The following HMGCS2 variants were observed in gnomAD, a reference collection of about 807,000 sequenced individuals.
The protein encoded by HMGCS2 is 3-hydroxy-3-methylglutaryl-CoA synthase 2.
In HMGCS2, 50 loss-of-function variants were observed where a neutral mutation model predicts 57.4. That is an observed-to-expected ratio of 0.87 (90% CI 0.69 to 1.10). The LOEUF is 1.10. Ranked by LOEUF, HMGCS2 falls within the 50% of genes least tolerant of loss-of-function variation. The pLI, the probability that HMGCS2 is intolerant of heterozygous loss-of-function variation, is 0.00. For missense variants in HMGCS2, 627 were observed against 636.5 expected (o/e 0.99, Z 0.16); for synonymous variants, 254 against 245.1 (o/e 1.04, Z -0.34).
intron 8 of HMGCS2, 85 bp downstream of exon 8, chr1:119,752,464 C>T: frequency 2.0e-6 from 3 of 1,492,390 alleles, no homozygotes; most frequent in Admixed American, 1.7e-5. Context: ...CCCTGGACTA[C>T]TAAATTCTAG....
At chr1:119,756,231 T>C (rs1652835616) in intron 5 of HMGCS2, among the ~76,000 whole-genome samples, 1 of 152,190 alleles carries the variant, frequency 6.6e-6, no homozygotes, top group South Asian at 2.1e-4. Context: ...AAATGGTAAC[T>C]TGAGTAAACT....
At chr1:119,755,747 C>A (rs1227238822) in intron 5 of HMGCS2, 150 bp from the exon 6 acceptor site, 6 of 775,004 alleles carry the variant, frequency 7.7e-6, no homozygotes, top group Non-Finnish European at 1.4e-5. Flanking sequence ...GGAGAACATA[C>A]CACTAATGGC....
chr1:119,768,906 G>T, upstream of HMGCS2: 2 of 1,144,866 alleles, frequency 1.7e-6, no homozygotes, highest in Non-Finnish European at 2.6e-6. Context: ...TGAAAGAGAT[G>T]CCCAGTGGTG....
chr1:119,755,334 CA>C (rs1334816540), intron 6 of HMGCS2, 92 bp downstream of exon 6: 2 of 1,261,640 alleles, frequency 1.6e-6, no homozygotes, highest in Non-Finnish European at 2.3e-6. Context: ...ATTTCTGAGC[CA>C]AAAGAGAAAC....
chr1:119,750,409 TCAG>T (rs587775107), intron 9 of HMGCS2, among the ~76,000 whole-genome samples: 83 of 152,354 alleles, frequency 5.4e-4, no homozygotes, highest in Admixed American at 4.4e-3. Context: ...CTTCCTATCT[TCAG>T]CAGATCAGGT....
chr1:119,761,723 G>A (rs1183890424), intron 2 of HMGCS2, among the ~76,000 whole-genome samples: 1 of 151,798 alleles, frequency 6.6e-6, no homozygotes, highest in Non-Finnish European at 1.5e-5. Flanking sequence ...TGAGATCACC[G>A]CCACTGCACT....
intron 4 of HMGCS2, 83 bp from the exon 5 acceptor site, chr1:119,757,521 G>A (rs780216713): frequency 6.2e-6 from 10 of 1,602,418 alleles, no homozygotes; most frequent in Non-Finnish European, 8.5e-6. Flanking sequence ...ACTGTGCCGA[G>A]TTTCTCCAGG....
Position 119,757,222 on chromosome 1 carries a change from C to T in HMGCS2, c.1016+51G>A. Reference sequence around the variant, plus strand: ...TAGACTTAAGGCATGAAGAAGCCTCCTTCTTGCTCACACCTCACCAGCCTC... The same window carrying T: ...TAGACTTAAGGCATGAAGAAGCCTCTTTCTTGCTCACACCTCACCAGCCTC... On this transcript the variant is annotated intron_variant, in intron 5 of 9. Transcript: ENST00000369406. 1.9e-6 allele frequency: 3 copies of T among 1,613,242 alleles called. No individual in the cohort carries two copies. In the South Asian group the frequency reaches 3.3e-5, roughly 18 times the overall value.
At chr1:119,751,361 T>C (rs1251222322) in intron 8 of HMGCS2, among the ~76,000 whole-genome samples, 1 of 150,706 alleles carries the variant, frequency 6.6e-6, no homozygotes, top group Non-Finnish European at 1.5e-5. Context: ...ATTTTTCTTT[T>C]CTTCTTTTTT....
intron 8 of HMGCS2, among the ~76,000 whole-genome samples, chr1:119,752,175 A>C (rs146421470): frequency 1.3e-5 from 2 of 152,226 alleles, no homozygotes; most frequent in Admixed American, 6.5e-5. Flanking sequence ...TTTTCCAAAG[A>C]TAAACAGCTA....
At chr1:119,764,023 G>A in intron 2 of HMGCS2, 149 bp downstream of exon 2, 1 of 706,250 alleles carries the variant, frequency 1.4e-6, no homozygotes, top group Non-Finnish European at 2.6e-6. Context: ...AAGTCTAAGT[G>A]GTTATTGTGG....
chr1:119,763,939 TAC>T (rs1653123443), intron 2 of HMGCS2, among the ~76,000 whole-genome samples: 1 of 152,220 alleles, frequency 6.6e-6, no homozygotes, highest in South Asian at 2.1e-4. Context: ...TCTGGTATAA[TAC>T]ACACTTCCTA....
rs138739620 is a variant in HMGCS2 at position 119,764,557 on chromosome 1, G to A, written c.174C>T (p.Ala58=). The change falls in exon 2 of 10, where the codon GCC becomes GCT. Residue 58 remains alanine, a synonymous_variant. Coordinates refer to ENST00000369406, the MANE Select transcript of HMGCS2 (RefSeq NM_005518.4). ...DTWPKDVGIL[A]LEVYFPAQYV... Reference sequence around the variant, plus strand: ...ATTGGGCTGGGAAGTAGACCTCCAGGGCCAGGATGCCCACGTCCTTTGGCC... The same window carrying A: ...ATTGGGCTGGGAAGTAGACCTCCAGAGCCAGGATGCCCACGTCCTTTGGCC... 2,774 of 1,614,206 alleles carry A rather than the reference G, an allele frequency of 1.7e-3. 4 individuals carry two copies. The highest frequency in any genetic ancestry group is 4.0e-3 in the Middle Eastern group (24 of 6,062).
At position 119,748,499 on chromosome 1, in the gene HMGCS2, G is replaced by A. The variant is rs144826622; in HGVS notation, c.*348C>T. The stretch of plus-strand genomic sequence containing the variant: ...TAATAATAATAAAGTTCTAACACAT[G>A]ACAGGAAAGTTTATCTGGATCTTGA... On this transcript the variant is annotated 3_prime_UTR_variant, in exon 10 of 10. Coordinates refer to ENST00000369406, the MANE Select transcript of HMGCS2 (RefSeq NM_005518.4). The A allele has an allele frequency of 6.6e-6, 1 of 152,330 alleles. No homozygotes were observed. The highest frequency in any genetic ancestry group is 2.4e-5 in the African/African-American group (1 of 41,550). The allele number at this position is 152,330 out of a possible 1,614,324, so 9.4% of individuals were successfully genotyped here.
At position 119,759,300 on chromosome 1, in the gene HMGCS2, G is replaced by A. The variant is rs1652957653; in HGVS notation, c.686-18C>T. On this transcript the variant is annotated intron_variant, in intron 3 of 9. Coordinates refer to ENST00000369406, the MANE Select transcript of HMGCS2 (RefSeq NM_005518.4). ...CCTCAGCCCTGGAAAGGCACACAAA[G>A]TGTTTCAGAGACTACACAATGCAGC... The A allele has an allele frequency of 6.2e-7, 1 of 1,612,476 alleles. No individual in the cohort carries two copies. Among genetic ancestry groups the A allele is most frequent in the Non-Finnish European group, 8.5e-7 (1 of 1,179,166 alleles).
intron 8 of HMGCS2, among the ~76,000 whole-genome samples, chr1:119,751,433 C>T (rs1359684840): frequency 6.7e-6 from 1 of 149,636 alleles, no homozygotes; most frequent in Non-Finnish European, 1.5e-5. Context: ...GTGGTGTGAT[C>T]TCAGTTCACT....
chr1:119,748,507 A>C lies in HMGCS2; in HGVS notation c.*340T>G, dbSNP rs1040012812. 6.6e-5 allele frequency: 10 copies of C among 152,246 alleles called. No homozygotes were observed. The highest frequency in any genetic ancestry group is 2.2e-4 in the African/African-American group (9 of 41,448). 9.4% of individuals were successfully genotyped at this position (152,246 alleles called of 1,614,324 possible). On this transcript the variant is annotated 3_prime_UTR_variant, in exon 10 of 10. Transcript: ENST00000369406. ...ATAAAGTTCTAACACATGACAGGAAAGTTTATCTGGATCTTGAAGGCAACA... is the reference window on the plus strand; with the variant it reads ...ATAAAGTTCTAACACATGACAGGAACGTTTATCTGGATCTTGAAGGCAACA...
chr1:119,761,744 A>G (rs1326443882), intron 2 of HMGCS2, among the ~76,000 whole-genome samples: 1 of 152,142 alleles, frequency 6.6e-6, no homozygotes, highest in Non-Finnish European at 1.5e-5. Flanking sequence ...CCAGCCTGGC[A>G]ACAGATCGAG....
At chr1:119,751,050 A>C in intron 8 of HMGCS2, 142 bp from the exon 9 acceptor site, 1 of 681,802 alleles carries the variant, frequency 1.5e-6, no homozygotes, top group East Asian at 2.8e-5. Flanking sequence ...CCCTTAGTCC[A>C]CCAAATAGAA....
Sources: allele counts gnomAD v4.1 joint callset (sites outside exome capture counted in the v4.1 genomes callset), GRCh38; gene constraint gnomAD v4.1.1; transcripts MANE v1.5; gene names NCBI Gene and HGNC (gene_info 2026-07-23, HGNC 2026-07-21).